ANLN: variants seen among roughly 807,000 people sequenced by gnomAD.
ANLN encodes the protein anillin, actin binding protein, also known as anillin.
ANLN carries 59 observed loss-of-function variants against 135.1 expected under a neutral mutation model. That is an observed-to-expected ratio of 0.44 (90% CI 0.35 to 0.54). The LOEUF is 0.54. Ranked by LOEUF, ANLN falls within the 20% of genes least tolerant of loss-of-function variation. The pLI is 0.00. For synonymous variants in ANLN, 406 were observed against 456.4 expected, an observed-to-expected ratio of 0.89 and a Z score of 1.41; for missense variants, 1,182 against 1,340.0, an observed-to-expected ratio of 0.88 and a Z score of 1.84.
At chr7:36,409,492 T>G (rs1787322742) in intron 5 of ANLN, among the ~76,000 whole-genome samples, 1 of 152,192 alleles carries the variant, frequency 6.6e-6, no homozygotes, top group Non-Finnish European at 1.5e-5. Context: ...CTCAAAATAT[T>G]TAGTGCCTGG....
chr7:36,391,992 A>C lies in ANLN; in HGVS notation c.18+1948A>C, dbSNP rs1027982501. On this transcript the variant is annotated intron_variant, in intron 1 of 23. Coordinates refer to ENST00000265748, the MANE Select transcript of ANLN (RefSeq NM_018685.5). Reference sequence around the variant, plus strand: ...CTCGCAGTGTCGCCCAGGTGACAAAACCATAAACTCACTACTCATAACGTC... The same window carrying C: ...CTCGCAGTGTCGCCCAGGTGACAAACCCATAAACTCACTACTCATAACGTC... Among the ~76,000 whole-genome samples the C allele has an allele frequency of 5.9e-5, 9 of 152,016 alleles. No individual in the cohort carries two copies. The East Asian group carries it at 1.7e-3, about 29-fold the overall frequency.
chr7:36,426,769 C>T (rs541740020), intron 19 of ANLN, 147 bp from the exon 20 acceptor site: 5 of 463,944 alleles, frequency 1.1e-5, no homozygotes. Context: ...TGATTTTTCC[C>T]CCCACATTTA....
chr7:36,402,451 C>T (rs1786993343), intron 3 of ANLN, among the ~76,000 whole-genome samples: 3 of 152,130 alleles, frequency 2.0e-5, no homozygotes, highest in African/African-American at 7.2e-5. Flanking sequence ...AACTGGTCTT[C>T]CTGCTTCAGA....
chr7:36,420,446 CCT>C, intron 11 of ANLN, 132 bp downstream of exon 11: 1 of 1,316,318 alleles, frequency 7.6e-7, no homozygotes, highest in Non-Finnish European at 1.0e-6. Flanking sequence ...CTTTTGTTAG[CCT>C]CTCTTTCACC....
At chr7:36,408,630 A>C (rs76607948) in intron 5 of ANLN, among the ~76,000 whole-genome samples, 13,166 of 152,266 alleles carry the variant, frequency 0.086, 705 homozygotes, top group Admixed American at 0.15. Context: ...AGATTATTGT[A>C]AACTATAGTC....
intron 2 of ANLN, among the ~76,000 whole-genome samples, chr7:36,398,251 T>C (rs1786791323): frequency 6.6e-6 from 1 of 152,198 alleles, no homozygotes; most frequent in East Asian, 1.9e-4. Flanking sequence ...TGTTAAATAT[T>C]TGTACTGGTG....
chr7:36,424,453 C>A, intron 15 of ANLN, 92 bp from the exon 16 acceptor site: 1 of 1,047,814 alleles, frequency 9.5e-7, no homozygotes, highest in Non-Finnish European at 1.4e-6. Context: ...GATTCCTTTA[C>A]TTAGAGTCTT....
chr7:36,412,961 C>T (rs1787486896), intron 7 of ANLN, among the ~76,000 whole-genome samples: 1 of 149,278 alleles, frequency 6.7e-6, no homozygotes, highest in African/African-American at 2.4e-5. Flanking sequence ...TCAAAGTGTC[C>T]CACTTTTTTT....
intron 19 of ANLN, 21 bp downstream of exon 19, chr7:36,426,057 T>C (rs1244831586): frequency 1.4e-6 from 2 of 1,468,040 alleles, no homozygotes; most frequent in Non-Finnish European, 1.8e-6. Flanking sequence ...CTTGAACTAT[T>C]TGAAACTTTA....
chr7:36,441,825 A>C, intron 21 of ANLN, among the ~76,000 whole-genome samples: 1 of 152,150 alleles, frequency 6.6e-6, no homozygotes, highest in Non-Finnish European at 1.5e-5. Flanking sequence ...CACAGGAGGG[A>C]GCTGGTGAGT....
chr7:36,425,963 A>T, intron 18 of ANLN, 52 bp from the exon 19 acceptor site: 2 of 1,400,746 alleles, frequency 1.4e-6, no homozygotes, highest in Non-Finnish European at 2.0e-6. Context: ...CTTTGTATTA[A>T]ATAAGGGAAA....
Position 36,420,235 on chromosome 7 carries a change from G to A in ANLN, c.1936G>A (p.Gly646Arg). The change falls in exon 11 of 24, where the codon GGA becomes AGA. Residue 646 changes from glycine to arginine, a missense_variant. By Grantham distance (125) the Gly-to-Arg change is moderately radical. Transcript: ENST00000265748. ...TSRSDESPKP[G>R]KFQRTRVPRA... ...CAGAAGTGATGAAAGTCCAAAACCA[G>A]GAAAATTCCAAAGAACTCGTGTCCC... The A allele has an allele frequency of 3.1e-6, 5 of 1,614,064 alleles. No homozygotes were observed. Among genetic ancestry groups the A allele is most frequent in the Non-Finnish European group, 4.2e-6 (5 of 1,179,964 alleles).
chr7:36,425,997 C>CTTTTTTT lies in ANLN; in HGVS notation c.2749-9_2749-3dup. On this transcript the variant is annotated splice_polypyrimidine_tract_variant and intron_variant, in intron 18 of 23. Coordinates refer to ENST00000265748, the MANE Select transcript of ANLN (RefSeq NM_018685.5). The stretch of plus-strand genomic sequence containing the variant: ...AATAACTTATGTTTCTTCTTCACAC[C>CTTTTTTT]TTTTTTTTTTTTTTTAGAAAAGCAA... 7.4e-7 allele frequency: 1 copy of CTTTTTTT among 1,349,828 alleles called. No individual in the cohort carries two copies. The highest frequency in any genetic ancestry group is 1.5e-5 in the South Asian group (1 of 67,188). The allele number at this position is 1,349,828 out of a possible 1,614,324, so 83.6% of individuals were successfully genotyped here.
chr7:36,410,947 T>C, intron 6 of ANLN, 112 bp from the exon 7 acceptor site: 2 of 1,050,650 alleles, frequency 1.9e-6, no homozygotes, highest in Non-Finnish European at 2.7e-6. Flanking sequence ...AACTGAAAAC[T>C]GTTTAAACTT....
intron 20 of ANLN, among the ~76,000 whole-genome samples, chr7:36,438,406 C>T (rs889939111): frequency 1.3e-5 from 2 of 152,016 alleles, no homozygotes; most frequent in African/African-American, 4.8e-5. Context: ...AGGTTTTGGT[C>T]TTTTGCCCAG....
intron 3 of ANLN, among the ~76,000 whole-genome samples, chr7:36,400,661 A>T (rs145397939): frequency 1.3e-5 from 2 of 152,264 alleles, no homozygotes; most frequent in Non-Finnish European, 2.9e-5. Context: ...CGCATCCAGC[A>T]GTAGAAGCAT....
At position 36,406,457 on chromosome 7, in the gene ANLN, A is replaced by T; in HGVS notation, c.764A>T (p.Gln255Leu). 6.2e-7 allele frequency: 1 copy of T among 1,611,408 alleles called. No homozygotes were observed. Among genetic ancestry groups the T allele is most frequent in the Non-Finnish European group, 8.5e-7 (1 of 1,178,040 alleles). ...SARINSSSVKQEATFCSQRDG... is the reference protein window; with the variant it reads ...SARINSSSVKLEATFCSQRDG... ...AGGATCAATAGCAGCAGTGTTAAGC[A>T]GGAAGCTACATTCTGTTCCCAAAGG... The change falls in exon 4 of 24, where the codon CAG becomes CTG. Residue 255 changes from glutamine to leucine, a missense_variant. Gln to Leu is a moderately radical substitution (Grantham distance 113). Around this residue, in one of 3 missense-constraint regions of ANLN, gnomAD observed 1,022 missense variants for 1,134.0 expected, o/e 0.90. Coordinates refer to ENST00000265748, the MANE Select transcript of ANLN (RefSeq NM_018685.5).
chr7:36,444,655 G>A (rs1157180840), intron 22 of ANLN, among the ~76,000 whole-genome samples: 1 of 151,892 alleles, frequency 6.6e-6, no homozygotes, highest in Non-Finnish European at 1.5e-5. Flanking sequence ...CCCCAAACTG[G>A]AAAATAGAAA....
rs199943918 is a variant in ANLN at position 36,423,909 on chromosome 7, G to A, written c.2569G>A (p.Gly857Ser). 31 of 1,612,222 alleles carry A rather than the reference G, an allele frequency of 1.9e-5. No individual in the cohort carries two copies. In the Admixed American group the frequency reaches 3.8e-4, roughly 20 times the overall value. ...AGCAAGTACTTCAAACTCTCTTAAC[G>A]GTGATGCTCTGACATTCACTACTAC... The part of the protein sequence containing the change: ...PLASTSNSLN[G>S]DALTFTTTFT... The change falls in exon 15 of 24, where the codon GGT (glycine) becomes AGT (serine). Residue 857 changes from glycine (G) to serine (S), a missense_variant. By Grantham distance (56) the Gly-to-Ser change is moderately conservative (BLOSUM62 0). This residue lies in a region of ANLN where 1,022 missense variants were observed against 1,134.0 expected (regional missense o/e 0.90). Coordinates refer to ENST00000265748, the MANE Select transcript of ANLN (RefSeq NM_018685.5).
Sources: allele counts gnomAD v4.1 joint callset (sites outside exome capture counted in the v4.1 genomes callset), GRCh38; gene constraint gnomAD v4.1.1; regional missense constraint gnomAD v4.1.1; transcripts MANE v1.5; gene names NCBI Gene and HGNC (gene_info 2026-07-23, HGNC 2026-07-21).